The following PARN variants were observed in gnomAD, a reference collection of about 807,000 sequenced individuals.
PARN encodes the protein poly(A)-specific ribonuclease PARN.
In PARN, 71 loss-of-function variants were observed where a neutral mutation model predicts 102.8. That is an observed-to-expected ratio of 0.69 (90% confidence interval 0.57 to 0.84). PARN has a LOEUF of 0.84. PARN is among the 40% of genes least tolerant of loss of function. The probability of loss-of-function intolerance (pLI) is 0.00; values close to 1 mark genes in which losing one functional copy is unlikely to be tolerated. For missense variants in PARN, 782 were observed against 760.9 expected (o/e 1.03, Z -0.33); for synonymous variants, 261 against 252.9 (o/e 1.03, Z -0.30).
intron 14 of PARN, among the ~76,000 whole-genome samples, 187 bp downstream of exon 14, chr16:14,586,131 C>T (rs1298035529): frequency 2.6e-5 from 4 of 151,924 alleles, no homozygotes; most frequent in Non-Finnish European, 5.9e-5. Context: ...CGTATCCCAC[C>T]ACACCCAGCT....
chr16:14,464,857 G>C (rs1962229649), intron 22 of PARN, among the ~76,000 whole-genome samples: 1 of 152,028 alleles, frequency 6.6e-6, no homozygotes, highest in Admixed American at 6.6e-5. Flanking sequence ...AGGAATTGGA[G>C]ACCAGTCTGG....
intron 22 of PARN, among the ~76,000 whole-genome samples, chr16:14,460,257 G>A (rs551938234): frequency 1.3e-5 from 2 of 152,208 alleles, no homozygotes; most frequent in Middle Eastern, 3.4e-3. Context: ...AAAAAATAAT[G>A]GATGGCCAAG....
At chr16:14,585,766 C>T (rs1969815066) in intron 14 of PARN, among the ~76,000 whole-genome samples, 1 of 152,266 alleles carries the variant, frequency 6.6e-6, no homozygotes, top group South Asian at 2.1e-4. Flanking sequence ...GTTCTTCAGA[C>T]AGCAAGATGA....
chr16:14,618,358 T>C (rs1352736396), intron 5 of PARN, among the ~76,000 whole-genome samples: 4 of 151,904 alleles, frequency 2.6e-5, no homozygotes, highest in Admixed American at 2.6e-4. Context: ...CGAGGCAGCA[T>C]GTGCCTCTAG....
At chr16:14,510,409 G>A (rs1283633014) in intron 21 of PARN, among the ~76,000 whole-genome samples, 1 of 152,056 alleles carries the variant, frequency 6.6e-6, no homozygotes, top group African/African-American at 2.4e-5. Context: ...GCGAATTCTA[G>A]TGGGAAAAAA....
rs746984542 is a variant in PARN at position 14,629,588 on chromosome 16, G to C, written c.97+9C>G. 5 of 1,602,380 alleles carry C rather than the reference G, an allele frequency of 3.1e-6. No individual in the cohort carries two copies. The Admixed American group carries it at 8.3e-5, about 27-fold the overall frequency. ...AAAGTGCTAGCCTGAGCTTGCAAGGGAGGGATACCTGAAAACTCCCCATCG... is the reference window on the plus strand; with the variant it reads ...AAAGTGCTAGCCTGAGCTTGCAAGGCAGGGATACCTGAAAACTCCCCATCG... On this transcript the variant is annotated intron_variant, in intron 2 of 23. Coordinates refer to ENST00000437198, the MANE Select transcript of PARN (RefSeq NM_002582.4).
chr16:14,488,826 C>A (rs146208467), intron 21 of PARN, among the ~76,000 whole-genome samples: 2 of 151,952 alleles, frequency 1.3e-5, no homozygotes, highest in East Asian at 3.9e-4. Flanking sequence ...TTCCTATGAC[C>A]CTGCAATTTC....
chr16:14,619,325 C>G (rs1972135926), intron 5 of PARN, among the ~76,000 whole-genome samples: 2 of 152,088 alleles, frequency 1.3e-5, no homozygotes, highest in Non-Finnish European at 2.9e-5. Context: ...CTGGGCTGGA[C>G]ATGGTGGCTC....
intron 21 of PARN, among the ~76,000 whole-genome samples, chr16:14,527,413 T>C (rs1469476552): frequency 2.0e-5 from 3 of 152,260 alleles, no homozygotes; most frequent in East Asian, 1.9e-4. Flanking sequence ...GAATGAGTTG[T>C]TGTCCCATTC....
chr16:14,591,724 T>A (rs2151765026), intron 13 of PARN, among the ~76,000 whole-genome samples: 1 of 152,052 alleles, frequency 6.6e-6, no homozygotes, highest in East Asian at 1.9e-4. Flanking sequence ...AGATGAGAAA[T>A]AAGGCCGCTT....
At chr16:14,597,520 C>A (rs2151774861) in intron 12 of PARN, among the ~76,000 whole-genome samples, 1 of 151,946 alleles carries the variant, frequency 6.6e-6, no homozygotes, top group African/African-American at 2.4e-5. Flanking sequence ...CATGGTGAAA[C>A]CCCGTCTCTA....
intron 22 of PARN, among the ~76,000 whole-genome samples, chr16:14,455,125 A>C (rs532940797): frequency 6.6e-6 from 1 of 152,350 alleles, no homozygotes; most frequent in South Asian, 2.1e-4. Context: ...TAAAACACAC[A>C]AGTATTAACT....
intron 22 of PARN, among the ~76,000 whole-genome samples, chr16:14,470,953 G>C (rs549417473): frequency 1.1e-4 from 17 of 151,862 alleles, no homozygotes; most frequent in Admixed American, 5.9e-4. Context: ...TTTGATTTTT[G>C]TTGTTGTTGT....
intron 21 of PARN, among the ~76,000 whole-genome samples, chr16:14,500,908 C>T (rs1325892255): frequency 6.6e-6 from 1 of 152,140 alleles, no homozygotes; most frequent in Non-Finnish European, 1.5e-5. Context: ...TAGCTTGCTT[C>T]TAAGGCTACA....
intron 21 of PARN, among the ~76,000 whole-genome samples, chr16:14,494,804 G>C (rs1355950800): frequency 6.6e-6 from 1 of 152,108 alleles, no homozygotes; most frequent in Admixed American, 6.5e-5. Flanking sequence ...GGATGGAAGA[G>C]GTGGGGACAC....
intron 18 of PARN, among the ~76,000 whole-genome samples, chr16:14,569,189 G>A (rs982662862): frequency 2.0e-5 from 3 of 151,908 alleles, no homozygotes; most frequent in Non-Finnish European, 2.9e-5. Context: ...TCCAGCCTGG[G>A]CGATGGAGGA....
chr16:14,603,901 T>C (rs1460440411), intron 11 of PARN, among the ~76,000 whole-genome samples: 3 of 152,224 alleles, frequency 2.0e-5, no homozygotes, highest in Non-Finnish European at 4.4e-5. Flanking sequence ...TCAAGAGTAC[T>C]TTCTTCAGGA....
At chr16:14,470,531 C>G (rs1483797311) in intron 22 of PARN, among the ~76,000 whole-genome samples, 3 of 151,674 alleles carry the variant, frequency 2.0e-5, no homozygotes, top group African/African-American at 7.3e-5. Flanking sequence ...AATCTCAGCT[C>G]ACTGCAGCCT....
rs374762200 is a variant in PARN at position 14,610,791 on chromosome 16, T to A, written c.407A>T (p.Gln136Leu). 34 of 1,607,932 alleles carry A rather than the reference T, an allele frequency of 2.1e-5. No homozygotes were observed. Among genetic ancestry groups the A allele is most frequent in the African/African-American group, 2.7e-5 (2 of 74,904 alleles). ...CTCTCTTAACTGTCTTTCTTCTTCC[T>A]GATTTAAATATGGAATTCCTAAACA... ...VFRNGIPYLN[Q>L]EEERQLREQY... The change falls in exon 7 of 24, where the codon CAG becomes CTG. Residue 136 changes from glutamine to leucine, a missense_variant. Physicochemically the swap from Gln to Leu is moderately radical, Grantham distance 113 (BLOSUM62 -2). Coordinates refer to ENST00000437198, the MANE Select transcript of PARN (RefSeq NM_002582.4).
Sources: allele counts gnomAD v4.1 joint callset (sites outside exome capture counted in the v4.1 genomes callset), GRCh38; gene constraint gnomAD v4.1.1; transcripts MANE v1.5; gene names NCBI Gene and HGNC (gene_info 2026-07-23, HGNC 2026-07-21).